SFRP5: variants seen among roughly 807,000 people sequenced by gnomAD.
SFRP5 encodes secreted frizzled related protein 5.
Under a neutral mutation model 27.0 loss-of-function variants are expected in SFRP5, and 22 were observed. That is an observed-to-expected ratio of 0.82 (90% CI 0.58 to 1.17). SFRP5 has a LOEUF of 1.17. Ranked by LOEUF, SFRP5 falls within the 50% of genes most tolerant of loss-of-function variation. SFRP5 has a pLI of 0.00. For missense variants in SFRP5, 406 were observed against 436.6 expected (o/e 0.93, Z 0.63); for synonymous variants, 171 against 195.0 (o/e 0.88, Z 1.03).
Position 97,767,733 on chromosome 10 carries a change from C to T in SFRP5, c.735G>A (p.Leu245=), listed in dbSNP as rs1381779224. The change falls in exon 3 of 3, where the codon CTG becomes CTA. Residue 245 remains leucine (L), a synonymous_variant. Transcript: ENST00000266066. ...LKRKDTKRLV[L]HMKNGAGCPC... ...GGCAGCCCGCGCCATTCTTCATGTG[C>T]AGCACCAGCCGCTTGGTGTCCTTGC... 1 of 1,610,400 alleles carries T rather than the reference C, an allele frequency of 6.2e-7. No individual in the cohort carries two copies. Among genetic ancestry groups the T allele is most frequent in the Admixed American group, 1.7e-5 (1 of 59,426 alleles).
rs1399820579 is a variant in SFRP5 at position 97,769,893 on chromosome 10, A to G, written c.530-148T>C. ...CTTATCAGGAGATGGGATGATGGCA[A>G]TCATATCACTACCTGCTCACAGAGT... On this transcript the variant is annotated intron_variant, in intron 1 of 2. Coordinates refer to ENST00000266066, the MANE Select transcript of SFRP5 (RefSeq NM_003015.3). 2.4e-5 allele frequency: 16 copies of G among 655,358 alleles called. 1 individual carries two copies. The highest frequency in any genetic ancestry group is 1.2e-4 in the South Asian group (7 of 57,634). 40.6% of individuals were successfully genotyped at this position (655,358 alleles called of 1,614,324 possible). A position where few individuals can be genotyped will look rare whatever the true frequency, so the allele number is the denominator to read the frequency against.
intron 2 of SFRP5, among the ~76,000 whole-genome samples, chr10:97,769,212 C>T (rs916213657): frequency 3.3e-5 from 5 of 152,146 alleles, no homozygotes; most frequent in Admixed American, 1.3e-4. Flanking sequence ...GCTGTGGGGA[C>T]AGGTGACCAC....
In SFRP5 at chr10:97,769,765, T is replaced by G; in HGVS notation, c.530-20A>C. ...TGGTCACTGAAGAGAGAAAGTGGGG[T>G]GGGGTTGGGGGACAGTTGGTGAGGG... On this transcript the variant is annotated intron_variant, in intron 1 of 2. Transcript: ENST00000266066. 1 of 1,595,262 alleles carries G rather than the reference T, an allele frequency of 6.3e-7. No individual in the cohort carries two copies. The highest frequency in any genetic ancestry group is 8.6e-7 in the Non-Finnish European group (1 of 1,164,354).
Position 97,771,302 on chromosome 10 carries a change from T to C in SFRP5, c.529+3A>G. The C allele has an allele frequency of 6.4e-7, 1 of 1,552,088 alleles. No individual in the cohort carries two copies. Among genetic ancestry groups the C allele is most frequent in the Non-Finnish European group, 8.7e-7 (1 of 1,151,320 alleles). ...CGCGCGGGGACGGCGGCGGCGGCGC[T>C]ACCTGGAGGCGCGGTGGCGGGCAGG... On this transcript the variant is annotated splice_donor_region_variant and intron_variant, in intron 1 of 2. Coordinates refer to ENST00000266066, the MANE Select transcript of SFRP5 (RefSeq NM_003015.3). The surrounding 1 kb of genome is among the most constrained non-coding windows in gnomAD (Gnocchi z 5.2).
chr10:97,769,302 A>G (rs1225096034), intron 2 of SFRP5, among the ~76,000 whole-genome samples: 2 of 152,202 alleles, frequency 1.3e-5, no homozygotes, highest in Non-Finnish European at 2.9e-5. Context: ...TCCTAGAGCC[A>G]TCACTCCCCA....
chr10:97,767,266 T>G lies in SFRP5; in HGVS notation c.*248A>C, dbSNP rs972685689. 1.2e-5 allele frequency: 5 copies of G among 420,122 alleles called. No homozygotes were observed. The highest frequency in any genetic ancestry group is 7.5e-5 in the East Asian group (2 of 26,590). The allele number at this position is 420,122 out of a possible 1,614,324, so 26.0% of individuals were successfully genotyped here. ...CCTTACCCTCTCCTCCCCTGCCTACTTTCTGAGACCCTGAGGTCTTCACCC... is the reference window on the plus strand; with the variant it reads ...CCTTACCCTCTCCTCCCCTGCCTACGTTCTGAGACCCTGAGGTCTTCACCC... On this transcript the variant is annotated 3_prime_UTR_variant, in exon 3 of 3. Transcript: ENST00000266066.
At position 97,767,460 on chromosome 10, in the gene SFRP5, G is replaced by T; in HGVS notation, c.*54C>A. 7 of 1,401,290 alleles carry T rather than the reference G, an allele frequency of 5.0e-6. No individual in the cohort carries two copies. Among genetic ancestry groups the T allele is most frequent in the Non-Finnish European group, 6.8e-6 (7 of 1,023,096 alleles). 86.8% of individuals were successfully genotyped at this position (1,401,290 alleles called of 1,614,324 possible). On this transcript the variant is annotated 3_prime_UTR_variant, in exon 3 of 3. Transcript: ENST00000266066. ...AGGGCCGGGTCAGCCTGGAAGTTGG[G>T]GCGGGGCCAGAGGGCAAGCAAGGCA...
chr10:97,768,373 C>T (rs909315923), intron 2 of SFRP5, among the ~76,000 whole-genome samples: 8 of 152,088 alleles, frequency 5.3e-5, no homozygotes, highest in African/African-American at 9.6e-5. Context: ...CATGCACACA[C>T]GGTGAGTGTG....
At position 97,771,298 on chromosome 10, in the gene SFRP5, G is replaced by A; in HGVS notation, c.529+7C>T. On this transcript the variant is annotated splice_region_variant and intron_variant, in intron 1 of 2. Transcript: ENST00000266066. This position sits in a 1 kb window ranked among gnomAD's most constrained non-coding sequence, Gnocchi z 5.2. ...GGAGCGCGCGGGGACGGCGGCGGCG[G>A]CGCTACCTGGAGGCGCGGTGGCGGG... The A allele has an allele frequency of 6.5e-7, 1 of 1,541,004 alleles. No homozygotes were observed. The highest frequency in any genetic ancestry group is 8.7e-7 in the Non-Finnish European group (1 of 1,145,560).
chr10:97,771,697 G>C lies in SFRP5; in HGVS notation c.137C>G (p.Ser46Cys). The C allele has an allele frequency of 6.3e-7, 1 of 1,598,750 alleles. No individual in the cohort carries two copies. Residue 46 changes from serine to cysteine, a missense_variant, in exon 1 of 3, where the codon TCC (serine) becomes TGC (cysteine). Transcript: ENST00000266066. The surrounding 1 kb of genome is among the most constrained non-coding windows in gnomAD (Gnocchi z 5.2). ...GWQAEPLHGR[S>C]YSKPPQCLDI... ...AAGGCACTGCGGCGGCTTGGAGTAG[G>C]AGCGGCCGTGCAGCGGCTCGGCCTG...
rs929447441 is a variant in SFRP5, at chr10:97,767,966, A to T, written c.608-106T>A. On this transcript the variant is annotated intron_variant, in intron 2 of 2. Transcript: ENST00000266066. ...TGGACCTTCGGGCTGGGGGAGCCTGATGCCCTGCGGGGCTTGGAAGGGTGG... is the reference window on the plus strand; with the variant it reads ...TGGACCTTCGGGCTGGGGGAGCCTGTTGCCCTGCGGGGCTTGGAAGGGTGG... 5 of 781,042 alleles carry T rather than the reference A, an allele frequency of 6.4e-6. No homozygotes were observed. In the African/African-American group the frequency reaches 8.6e-5, roughly 13 times the overall value. The allele number at this position is 781,042 out of a possible 1,614,324, so 48.4% of individuals were successfully genotyped here. A position where few individuals can be genotyped will look rare whatever the true frequency, so the allele number is the denominator to read the frequency against.
intron 1 of SFRP5, among the ~76,000 whole-genome samples, chr10:97,770,603 T>C (rs2049509093): frequency 6.6e-6 from 1 of 152,144 alleles, no homozygotes; most frequent in Admixed American, 6.5e-5. Flanking sequence ...TGGCTTCCTA[T>C]TTTATGGATG....
In SFRP5 at chr10:97,767,470, G is replaced by A. The variant is rs369653846; in HGVS notation, c.*44C>T. The A allele has an allele frequency of 1.3e-6, 2 of 1,482,948 alleles. No homozygotes were observed. Among genetic ancestry groups the A allele is most frequent in the African/African-American group, 1.4e-5 (1 of 71,598 alleles). 91.9% of individuals were successfully genotyped at this position (1,482,948 alleles called of 1,614,324 possible). ...CAGCCTGGAAGTTGGGGCGGGGCCA[G>A]AGGGCAAGCAAGGCACAGCTGGCAG... On this transcript the variant is annotated 3_prime_UTR_variant, in exon 3 of 3. Transcript: ENST00000266066.
Position 97,767,514 on chromosome 10 carries a change from T to G in SFRP5, c.954A>C (p.Ter318CysextTer76). 4 of 1,598,000 alleles carry G rather than the reference T, an allele frequency of 2.5e-6. No individual in the cohort carries two copies. The highest frequency in any genetic ancestry group is 3.4e-6 in the Non-Finnish European group (4 of 1,171,536). The change falls in exon 3 of 3, where the codon TGA (stop) becomes TGC (cysteine). Residue 318 changes from the stop codon to cysteine, a stop_lost. Transcript: ENST00000266066. ...CTGGCAGGGCAAGGAGGAGTGCCCT[T>G]CAGTGGGGCTCTGCCGCCCCGTAGA... ...PFFYGAAEPH* is the reference protein window; with the variant it reads ...PFFYGAAEPHC
At position 97,769,702 on chromosome 10, in the gene SFRP5, G is replaced by T; in HGVS notation, c.573C>A (p.Asp191Glu). ...CAQCEMEHSADGLMEQMCSSD... is the reference protein window; with the variant it reads ...CAQCEMEHSAEGLMEQMCSSD... Reference sequence around the variant, plus strand: ...TGGAGCACATCTGCTCCATGAGGCCGTCAGCACTGTGCTCCATCTCACACT... The same window carrying T: ...TGGAGCACATCTGCTCCATGAGGCCTTCAGCACTGTGCTCCATCTCACACT... The change falls in exon 2 of 3, where the codon GAC (aspartate) becomes GAA (glutamate). Residue 191 changes from aspartate to glutamate, a missense_variant. Transcript: ENST00000266066. The T allele has an allele frequency of 6.2e-7, 1 of 1,613,544 alleles. No homozygotes were observed.
rs1270781152 is a variant in SFRP5, at chr10:97,771,681, C to T, written c.153G>A (p.Pro51=). 2 of 1,600,786 alleles carry T rather than the reference C, an allele frequency of 1.2e-6. No homozygotes were observed. The highest frequency in any genetic ancestry group is 8.5e-7 in the Non-Finnish European group (1 of 1,179,546). The change falls in exon 1 of 3, where the codon CCG becomes CCA. Residue 51 remains proline (P), a synonymous_variant. Transcript: ENST00000266066. The surrounding 1 kb of genome is among the most constrained non-coding windows in gnomAD (Gnocchi z 5.2). Reference sequence around the variant, plus strand: ...GGTCGGCAGGGATGTCAAGGCACTGCGGCGGCTTGGAGTAGGAGCGGCCGT... The same window carrying T: ...GGTCGGCAGGGATGTCAAGGCACTGTGGCGGCTTGGAGTAGGAGCGGCCGT... ...PLHGRSYSKP[P]QCLDIPADLP...
chr10:97,769,589 C>A lies in SFRP5; in HGVS notation c.607+79G>T, dbSNP rs570506004. 7 of 926,308 alleles carry A rather than the reference C, an allele frequency of 7.6e-6. No homozygotes were observed. In the Admixed American group the frequency reaches 1.4e-4, roughly 18 times the overall value. 57.4% of individuals were successfully genotyped at this position (926,308 alleles called of 1,614,324 possible). A position where few individuals can be genotyped will look rare whatever the true frequency, so the allele number is the denominator to read the frequency against. On this transcript the variant is annotated intron_variant, in intron 2 of 2. Transcript: ENST00000266066. ...TGGGATTCACTGTGATGGATGTGGGCATGTATGTTCCCGTGTGCGTCAAGA... is the reference window on the plus strand; with the variant it reads ...TGGGATTCACTGTGATGGATGTGGGAATGTATGTTCCCGTGTGCGTCAAGA...
rs372285032 is a variant in SFRP5, at chr10:97,767,843, T to C, written c.625A>G (p.Lys209Glu). ...SSDFVVKMRI[K>E]EIKIENGDRK... ...TCCCCATTCTCTATCTTGATCTCCT[T>C]GATGCGCATTTTGACCACTGTGGGA... The change falls in exon 3 of 3, where the codon AAG becomes GAG. Residue 209 changes from lysine to glutamate, a missense_variant. By Grantham distance (56) the Lys-to-Glu change is moderately conservative. Transcript: ENST00000266066. 2.5e-5 allele frequency: 38 copies of C among 1,525,220 alleles called. No homozygotes were observed. The highest frequency in any genetic ancestry group is 7.0e-5 in the African/African-American group (5 of 71,768). The allele number at this position is 1,525,220 out of a possible 1,614,324, so 94.5% of individuals were successfully genotyped here.
Position 97,771,154 on chromosome 10 carries a change from T to G in SFRP5, c.529+151A>C. ...GGGAAGGCGGGAAGGCTGCGGGGGA[T>G]AATTCCGGGGACGCTGGGCTGAGCT... On this transcript the variant is annotated intron_variant, in intron 1 of 2. Coordinates refer to ENST00000266066, the MANE Select transcript of SFRP5 (RefSeq NM_003015.3). The surrounding 1 kb of genome is among the most constrained non-coding windows in gnomAD (Gnocchi z 5.2). 7 of 540,486 alleles carry G rather than the reference T, an allele frequency of 1.3e-5. No homozygotes were observed. The highest frequency in any genetic ancestry group is 2.2e-5 in the Non-Finnish European group (7 of 313,410). 33.5% of individuals were successfully genotyped at this position (540,486 alleles called of 1,614,324 possible).
Sources: allele counts gnomAD v4.1 joint callset (sites outside exome capture counted in the v4.1 genomes callset), GRCh38; gene constraint gnomAD v4.1.1; non-coding constraint Gnocchi (gnomAD v3.1); transcripts MANE v1.5; gene names NCBI Gene and HGNC (gene_info 2026-07-23, HGNC 2026-07-21).